DPH6: variants seen among roughly 807,000 people sequenced by gnomAD.
The protein encoded by DPH6 is diphthine--ammonia ligase.
A neutral mutation model predicts 38.2 loss-of-function variants in DPH6; 33 were observed. That is an observed-to-expected ratio of 0.86 (90% confidence interval 0.65 to 1.15). The LOEUF (loss-of-function observed/expected upper bound fraction) is 1.15. Among genes scored for constraint, DPH6 ranks in the 50% most tolerant of loss-of-function variants. The probability of loss-of-function intolerance (pLI) is 0.00; values close to 1 mark genes in which losing one functional copy is unlikely to be tolerated. For missense variants in DPH6, 325 were observed against 320.0 expected (o/e 1.02, Z -0.12); for synonymous variants, 108 against 103.0 (o/e 1.05, Z -0.30).
In DPH6 at chr15:35,435,673, C is replaced by T. The variant is rs528393252; in HGVS notation, c.505+15012G>A. On this transcript the variant is annotated intron_variant, in intron 5 of 8. Coordinates refer to ENST00000256538, the MANE Select transcript of DPH6 (RefSeq NM_080650.4). ...CTGTCCTCCTCACCCTTCCATGTGT[C>T]TGTATGCCTAATTTTTCTTGGTTGT... 2.6e-5 allele frequency among the ~76,000 whole-genome samples: 4 copies of T among 152,242 alleles called. No individual in the cohort carries two copies. The South Asian group carries it at 8.3e-4, about 32-fold the overall frequency.
At chr15:35,517,349 G>A (rs888424461) in intron 3 of DPH6, among the ~76,000 whole-genome samples, 16 of 151,886 alleles carry the variant, frequency 1.1e-4, no homozygotes, top group Admixed American at 5.9e-4. Flanking sequence ...CACTGTCTTC[G>A]GTAATGTAAT....
At chr15:35,215,405 T>A (rs2051405855), downstream of DPH6, among the ~76,000 whole-genome samples, 1 of 152,202 alleles carries the variant, frequency 6.6e-6, no homozygotes, top group Non-Finnish European at 1.5e-5. Flanking sequence ...ATCTTTTTTT[T>A]AGAGACAGGG....
intron 3 of DPH6, among the ~76,000 whole-genome samples, chr15:35,309,575 G>C (rs1478732546): frequency 1.3e-5 from 2 of 152,098 alleles, no homozygotes; most frequent in African/African-American, 4.8e-5. Flanking sequence ...GAGCGAAAAG[G>C]CATAGGGGGA....
intron 3 of DPH6, among the ~76,000 whole-genome samples, chr15:35,456,613 G>C (rs1210590793): frequency 6.6e-6 from 1 of 151,664 alleles, no homozygotes; most frequent in Admixed American, 6.6e-5. Context: ...TCAGCCTCCC[G>C]ACTAGCTGGG....
chr15:35,511,977 T>G (rs1391495484), intron 3 of DPH6, among the ~76,000 whole-genome samples: 2 of 152,174 alleles, frequency 1.3e-5, no homozygotes, highest in Admixed American at 6.5e-5. Context: ...GTTTTGTTTT[T>G]AATGCCATAA....
At chr15:35,315,841 T>A (rs2052183880) in intron 3 of DPH6, among the ~76,000 whole-genome samples, 1 of 152,200 alleles carries the variant, frequency 6.6e-6, no homozygotes, top group South Asian at 2.1e-4. Flanking sequence ...AGATACACAA[T>A]GAAATATTAT....
chr15:35,534,036 TATA>T (rs1190406331), intron 3 of DPH6, among the ~76,000 whole-genome samples: 5 of 151,710 alleles, frequency 3.3e-5, no homozygotes, highest in Non-Finnish European at 7.4e-5. Flanking sequence ...GAGAAAAGCC[TATA>T]ACATGAAAGA....
chr15:35,256,357 C>T (rs1419374783), intron 3 of DPH6, among the ~76,000 whole-genome samples: 1 of 152,070 alleles, frequency 6.6e-6, no homozygotes, highest in Non-Finnish European at 1.5e-5. Flanking sequence ...TTTTGTAGTA[C>T]TAGTCAGATA....
intron 3 of DPH6, among the ~76,000 whole-genome samples, chr15:35,287,018 T>C (rs576275078): frequency 8.5e-5 from 13 of 152,072 alleles, no homozygotes; most frequent in South Asian, 4.2e-4. Context: ...AAGAAGACAA[T>C]AGAAAAAAGT....
At chr15:35,261,589 T>C (rs1390221508) in intron 3 of DPH6, among the ~76,000 whole-genome samples, 1 of 152,086 alleles carries the variant, frequency 6.6e-6, no homozygotes, top group Non-Finnish European at 1.5e-5. Flanking sequence ...TCCCAACACT[T>C]TGGGAGGCAG....
intron 3 of DPH6, among the ~76,000 whole-genome samples, chr15:35,478,406 A>ACACACACACAC (rs1566925048): frequency 4.6e-5 from 6 of 131,168 alleles, no homozygotes; most frequent in African/African-American, 1.8e-4. Context: ...CACACACACA[A>ACACACACACAC]AGATTGTAAA....
chr15:35,450,420 T>G (rs1347897401), intron 5 of DPH6, among the ~76,000 whole-genome samples: 1 of 146,342 alleles, frequency 6.8e-6, no homozygotes, highest in Non-Finnish European at 1.5e-5. Flanking sequence ...AATGAAGGAC[T>G]ATAATACAAT....
At chr15:35,308,587 T>C (rs2052113407) in intron 3 of DPH6, among the ~76,000 whole-genome samples, 1 of 152,122 alleles carries the variant, frequency 6.6e-6, no homozygotes, top group Non-Finnish European at 1.5e-5. Flanking sequence ...TAACCCATAA[T>C]TGGAAAGACA....
At chr15:35,419,343 T>A in intron 5 of DPH6, among the ~76,000 whole-genome samples, 1 of 152,104 alleles carries the variant, frequency 6.6e-6, no homozygotes. Context: ...AAAGTGACTA[T>A]CTCAGGAAGG....
intron 3 of DPH6, among the ~76,000 whole-genome samples, chr15:35,261,314 C>T (rs2051744823): frequency 6.6e-6 from 1 of 152,176 alleles, no homozygotes; most frequent in East Asian, 1.9e-4. Context: ...ATCTGAAGTC[C>T]AGTATTACCC....
intron 6 of DPH6, among the ~76,000 whole-genome samples, chr15:35,385,772 A>G (rs895217427): frequency 6.6e-6 from 1 of 152,194 alleles, no homozygotes; most frequent in Non-Finnish European, 1.5e-5. Flanking sequence ...ATAATAATAA[A>G]AAAAGGCAAT....
intron 3 of DPH6, among the ~76,000 whole-genome samples, chr15:35,255,800 T>A (rs892933253): frequency 1.3e-5 from 2 of 151,362 alleles, no homozygotes; most frequent in Non-Finnish European, 3.0e-5. Flanking sequence ...TACTCCTAAA[T>A]AATGAATATG....
intron 3 of DPH6, among the ~76,000 whole-genome samples, chr15:35,507,729 A>C (rs957539566): frequency 6.6e-6 from 1 of 152,094 alleles, no homozygotes; most frequent in Admixed American, 6.6e-5. Flanking sequence ...AGAAATATTA[A>C]AGAATGCACA....
chr15:35,252,138 T>C (rs2051679282), intron 3 of DPH6, among the ~76,000 whole-genome samples: 1 of 152,118 alleles, frequency 6.6e-6, no homozygotes. Context: ...AATCAATCAA[T>C]CAACCAATAA....
Sources: allele counts gnomAD v4.1 joint callset (sites outside exome capture counted in the v4.1 genomes callset), GRCh38; gene constraint gnomAD v4.1.1; transcripts MANE v1.5; gene names NCBI Gene and HGNC (gene_info 2026-07-23, HGNC 2026-07-21).